Variants in EBF1 observed in about 807,000 individuals in gnomAD.
EBF1 encodes the protein transcription factor COE1.
A neutral mutation model predicts 68.4 loss-of-function variants in EBF1; 10 were observed. The ratio of observed to expected loss-of-function variants is 0.15; its 90% CI spans 0.09 to 0.25. The LOEUF (loss-of-function observed/expected upper bound fraction) is 0.25, where lower values mean the gene tolerates loss of function less well. Ranked by LOEUF, EBF1 falls within the 10% of genes least tolerant of loss-of-function variation. The probability of loss-of-function intolerance (pLI) is 1.00; values close to 1 mark genes in which losing one functional copy is unlikely to be tolerated. For synonymous variants in EBF1, 298 were observed against 299.8 expected (o/e 0.99, Z 0.06); for missense variants, 509 against 794.4 (o/e 0.64, Z 4.32).
intron 10 of EBF1, among the ~76,000 whole-genome samples, chr5:158,759,294 T>A (rs1541649): frequency 0.19 from 28,634 of 152,176 alleles, 2,965 homozygotes; most frequent in African/African-American, 0.25. Context: ...GCCTTTATTG[T>A]CACCAGGCAT....
chr5:158,789,258 A>G (rs1778078728), intron 9 of EBF1, among the ~76,000 whole-genome samples: 1 of 152,218 alleles, frequency 6.6e-6, no homozygotes, highest in African/African-American at 2.4e-5. Context: ...ACATTTAATC[A>G]ACTTTGAATT....
chr5:158,766,932 TATATC>T (rs1389788494), intron 10 of EBF1, among the ~76,000 whole-genome samples: 3 of 152,194 alleles, frequency 2.0e-5, no homozygotes, highest in African/African-American at 7.2e-5. Flanking sequence ...CAAATCATGT[TATATC>T]ATACTAAAAA....
At chr5:158,786,655 G>A (rs980362294) in intron 9 of EBF1, among the ~76,000 whole-genome samples, 6 of 152,156 alleles carry the variant, frequency 3.9e-5, no homozygotes, top group African/African-American at 1.4e-4. Flanking sequence ...ATTCAGTCAA[G>A]AAGGAACATC....
chr5:158,811,210 C>T (rs774378922), intron 8 of EBF1, among the ~76,000 whole-genome samples: 3 of 152,156 alleles, frequency 2.0e-5, no homozygotes, highest in Non-Finnish European at 2.9e-5. Context: ...CCCAGAAAAG[C>T]ACCTTCCCAT....
At chr5:158,930,756 A>G (rs566456755) in intron 6 of EBF1, among the ~76,000 whole-genome samples, 1 of 152,302 alleles carries the variant, frequency 6.6e-6, no homozygotes, top group African/African-American at 2.4e-5. Context: ...TCCATTTTAC[A>G]GATAAGGTAA....
At chr5:158,700,389 A>G (rs1426163264) in intron 15 of EBF1, among the ~76,000 whole-genome samples, 1 of 152,254 alleles carries the variant, frequency 6.6e-6, no homozygotes, top group Non-Finnish European at 1.5e-5. Flanking sequence ...CTTGTCAGGC[A>G]GAGAGAGTCA....
chr5:158,995,009 A>C (rs555365704), intron 6 of EBF1, among the ~76,000 whole-genome samples: 1 of 152,342 alleles, frequency 6.6e-6, no homozygotes, highest in African/African-American at 2.4e-5. Flanking sequence ...TCAGCTATCA[A>C]TCAAGAGAAG....
chr5:158,780,818 C>T (rs999067749), intron 9 of EBF1, among the ~76,000 whole-genome samples: 5 of 152,168 alleles, frequency 3.3e-5, no homozygotes, highest in Admixed American at 3.3e-4. Context: ...CTAACTTTCT[C>T]ACAGTGTGAT....
chr5:158,879,245 T>C (rs1394951265), intron 6 of EBF1, among the ~76,000 whole-genome samples: 1 of 152,174 alleles, frequency 6.6e-6, no homozygotes, highest in African/African-American at 2.4e-5. Context: ...ATGGTGAACA[T>C]AGAAACTGGA....
At chr5:158,774,776 G>A (rs545721872) in intron 10 of EBF1, among the ~76,000 whole-genome samples, 3 of 152,228 alleles carry the variant, frequency 2.0e-5, no homozygotes, top group East Asian at 3.9e-4. Context: ...AACAAGCAAC[G>A]CATGGTAGAG....
intron 10 of EBF1, among the ~76,000 whole-genome samples, chr5:158,759,951 A>C (rs1156365880): frequency 6.6e-6 from 1 of 152,132 alleles, no homozygotes; most frequent in Non-Finnish European, 1.5e-5. Flanking sequence ...GTGACAACAA[A>C]ATATTCATGT....
intron 6 of EBF1, among the ~76,000 whole-genome samples, chr5:158,910,164 A>C (rs909244890): frequency 2.0e-5 from 3 of 152,170 alleles, no homozygotes; most frequent in Non-Finnish European, 4.4e-5. Context: ...TGCTAGCCAA[A>C]AATGATTTAT....
At chr5:158,709,281 A>G (rs1261357522) in intron 14 of EBF1, among the ~76,000 whole-genome samples, 5 of 151,852 alleles carry the variant, frequency 3.3e-5, no homozygotes, top group Admixed American at 6.6e-5. Flanking sequence ...CGTCTTTTTC[A>G]TCTTGTCATG....
intron 6 of EBF1, among the ~76,000 whole-genome samples, chr5:158,960,265 C>T (rs970585144): frequency 3.3e-5 from 5 of 152,036 alleles, no homozygotes; most frequent in Non-Finnish European, 7.4e-5. Flanking sequence ...AGAAAGTGAG[C>T]TTATTCAAAA....
chr5:158,814,491 C>A (rs1783328322), intron 8 of EBF1, among the ~76,000 whole-genome samples: 1 of 152,226 alleles, frequency 6.6e-6, no homozygotes, highest in South Asian at 2.1e-4. Context: ...GTGACTCACT[C>A]ATTTATTAGC....
At chr5:158,840,564 A>G (rs1237527620) in intron 6 of EBF1, among the ~76,000 whole-genome samples, 2 of 151,236 alleles carry the variant, frequency 1.3e-5, no homozygotes, top group Non-Finnish European at 2.9e-5. Context: ...CTCAAGTAAA[A>G]TGTTTTAATT....
At chr5:158,710,417 T>A (rs932637529) in intron 14 of EBF1, among the ~76,000 whole-genome samples, 6 of 152,332 alleles carry the variant, frequency 3.9e-5, no homozygotes, top group Non-Finnish European at 8.8e-5. Flanking sequence ...ATCTTTTAAT[T>A]TTCAGGTCAT....
intron 9 of EBF1, among the ~76,000 whole-genome samples, chr5:158,789,227 T>C (rs1196871579): frequency 6.6e-6 from 1 of 152,158 alleles, no homozygotes; most frequent in Non-Finnish European, 1.5e-5. Flanking sequence ...AATAGGCAAC[T>C]AGGAGTTATT....
At chr5:158,941,167 C>T (rs1373524624) in intron 6 of EBF1, 1 of 455,706 alleles carries the variant, frequency 2.2e-6, no homozygotes, top group Admixed American at 2.4e-5. Context: ...AAACCATTCA[C>T]GCACCTCAGG....
Sources: allele counts gnomAD v4.1 joint callset (sites outside exome capture counted in the v4.1 genomes callset), GRCh38; gene constraint gnomAD v4.1.1; transcripts MANE v1.5; gene names NCBI Gene and HGNC (gene_info 2026-07-23, HGNC 2026-07-21).